FCHSD2: variants seen among roughly 807,000 people sequenced by gnomAD.
The protein encoded by FCHSD2 is FCH and double SH3 domains 2.
Under a neutral mutation model 108.1 loss-of-function variants are expected in FCHSD2, and 38 were observed. The observed-to-expected ratio is 0.35, with a 90% CI of 0.27 to 0.46. The LOEUF is 0.46. Among genes scored for constraint, FCHSD2 ranks in the 20% least tolerant of loss-of-function variants. FCHSD2 has a pLI of 1.00. For synonymous variants in FCHSD2, 279 were observed against 314.7 expected, an observed-to-expected ratio of 0.89 and a Z score of 1.20; for missense variants, 751 against 897.8, an observed-to-expected ratio of 0.84 and a Z score of 2.09.
chr11:72,981,965 G>A (rs1356674376), intron 8 of FCHSD2, among the ~76,000 whole-genome samples: 1 of 152,188 alleles, frequency 6.6e-6, no homozygotes, highest in Non-Finnish European at 1.5e-5. Flanking sequence ...TGTTATGACA[G>A]AGCGAGACCC....
chr11:73,000,327 TA>T (rs1857601930), intron 5 of FCHSD2, among the ~76,000 whole-genome samples: 2 of 152,180 alleles, frequency 1.3e-5, no homozygotes, highest in Admixed American at 1.3e-4. Context: ...ACTTATTAGG[TA>T]TAATGATAAT....
intron 4 of FCHSD2, among the ~76,000 whole-genome samples, chr11:73,003,905 G>A (rs1396588161): frequency 1.3e-5 from 2 of 151,290 alleles, no homozygotes; most frequent in Non-Finnish European, 1.5e-5. Context: ...TCAGGAGTTC[G>A]TGACCAGCCT....
intron 5 of FCHSD2, among the ~76,000 whole-genome samples, chr11:72,994,503 T>G (rs560727350): frequency 6.6e-6 from 1 of 152,214 alleles, no homozygotes; most frequent in African/African-American, 2.4e-5. Context: ...GATGTGATGA[T>G]ACCATTTACT....
intron 8 of FCHSD2, among the ~76,000 whole-genome samples, chr11:72,976,653 T>C (rs1030530204): frequency 4.6e-5 from 7 of 152,150 alleles, no homozygotes; most frequent in Non-Finnish European, 1.5e-5. Flanking sequence ...CTTCAAATTA[T>C]ACTACAGAGC....
intron 3 of FCHSD2, among the ~76,000 whole-genome samples, chr11:73,041,531 T>A (rs754944143): frequency 2.0e-5 from 3 of 152,256 alleles, no homozygotes; most frequent in Non-Finnish European, 4.4e-5. Flanking sequence ...TATGTCTTTT[T>A]TTGAGAAATG....
At chr11:72,962,153 G>A (rs889459943) in intron 8 of FCHSD2, among the ~76,000 whole-genome samples, 1 of 152,090 alleles carries the variant, frequency 6.6e-6, no homozygotes, top group Admixed American at 6.5e-5. Context: ...CCACTGGGGG[G>A]AATCTCTGAG....
intron 8 of FCHSD2, among the ~76,000 whole-genome samples, chr11:72,959,202 C>T (rs1051374726): frequency 1.3e-4 from 17 of 131,182 alleles, no homozygotes; most frequent in Admixed American, 2.3e-4. Flanking sequence ...TTCTTTTCCA[C>T]TTCATATATC....
chr11:72,890,009 G>T, intron 10 of FCHSD2, 64 bp from the exon 11 acceptor site: 1 of 995,550 alleles, frequency 1.0e-6, no homozygotes, highest in Non-Finnish European at 1.6e-6. Flanking sequence ...CTACTGCTTT[G>T]TAGATGGATC....
intron 10 of FCHSD2, among the ~76,000 whole-genome samples, chr11:72,896,818 T>C (rs2135263403): frequency 6.6e-6 from 1 of 150,852 alleles, no homozygotes; most frequent in Non-Finnish European, 1.5e-5. Flanking sequence ...CTTGTGGATT[T>C]TTGTTTTGTT....
At chr11:73,080,296 C>CAAAAAA (rs370633105) in intron 3 of FCHSD2, among the ~76,000 whole-genome samples, 4 of 52,270 alleles carry the variant, frequency 7.7e-5, no homozygotes, top group Non-Finnish European at 1.3e-4. Flanking sequence ...GACCCTGTCT[C>CAAAAAA]AAAAAAAAAA....
At chr11:72,985,983 A>G (rs902229730) in intron 6 of FCHSD2, among the ~76,000 whole-genome samples, 4 of 152,150 alleles carry the variant, frequency 2.6e-5, no homozygotes, top group African/African-American at 9.7e-5. Context: ...GCTGTGCCTC[A>G]TGAAGTAAAG....
intron 13 of FCHSD2, among the ~76,000 whole-genome samples, chr11:72,854,927 C>T (rs918792028): frequency 6.6e-6 from 1 of 152,032 alleles, no homozygotes; most frequent in Admixed American, 6.6e-5. Context: ...CACGTAAGGT[C>T]AGGAGTTCGA....
At chr11:73,075,910 G>C (rs968947105) in intron 3 of FCHSD2, among the ~76,000 whole-genome samples, 1 of 152,060 alleles carries the variant, frequency 6.6e-6, no homozygotes, top group Non-Finnish European at 1.5e-5. Context: ...CTTGAGTCCA[G>C]GAGTTCGAGA....
intron 5 of FCHSD2, among the ~76,000 whole-genome samples, chr11:72,994,816 A>T (rs1396365271): frequency 2.0e-5 from 3 of 152,204 alleles, no homozygotes; most frequent in South Asian, 4.1e-4. Context: ...TTATAGATGT[A>T]GTTTATCTTA....
intron 3 of FCHSD2, among the ~76,000 whole-genome samples, chr11:73,039,016 T>C (rs1043175132): frequency 6.6e-6 from 1 of 152,224 alleles, no homozygotes; most frequent in Admixed American, 6.5e-5. Flanking sequence ...ACTTAGTATC[T>C]TCCAAGTGTA....
chr11:72,913,432 A>T (rs544180312), intron 9 of FCHSD2, among the ~76,000 whole-genome samples: 12 of 151,946 alleles, frequency 7.9e-5, no homozygotes, highest in African/African-American at 2.9e-4. Context: ...CCACACTTGG[A>T]TAATTTTTGT....
intron 8 of FCHSD2, among the ~76,000 whole-genome samples, chr11:72,974,588 T>G (rs1857071741): frequency 6.6e-6 from 1 of 152,196 alleles, no homozygotes; most frequent in South Asian, 2.1e-4. Flanking sequence ...TGGTAGACAC[T>G]AGTCACATGT....
rs1227833227 is a variant in FCHSD2 at position 73,114,499 on chromosome 11, G to A, written c.119+25532C>T. Among the ~76,000 whole-genome samples the A allele has an allele frequency of 2.0e-5, 3 of 152,042 alleles. No homozygotes were observed. The East Asian group carries it at 5.8e-4, about 29-fold the overall frequency. On this transcript the variant is annotated intron_variant, in intron 2 of 19. Transcript: ENST00000409418. ...TTTTCCCTCCCCTTTTCTCAAGCAG[G>A]AGTTTCTCACTGTAGCCACCATAGC... is the stretch of plus-strand genomic sequence containing the variant.
At chr11:73,123,423 A>G (rs575075919) in intron 2 of FCHSD2, among the ~76,000 whole-genome samples, 70 of 152,228 alleles carry the variant, frequency 4.6e-4, no homozygotes, top group Non-Finnish European at 7.1e-4. Context: ...TTAATTACAA[A>G]TGAGAATCAT....
Sources: allele counts gnomAD v4.1 joint callset (sites outside exome capture counted in the v4.1 genomes callset), GRCh38; gene constraint gnomAD v4.1.1; transcripts MANE v1.5; gene names NCBI Gene and HGNC (gene_info 2026-07-23, HGNC 2026-07-21).